RALB: variants seen among roughly 807,000 people sequenced by gnomAD.
RALB encodes the protein ras-related protein Ral-B.
Under a neutral mutation model 21.3 loss-of-function variants are expected in RALB, and 16 were observed. That is an observed-to-expected ratio of 0.75 (90% confidence interval 0.51 to 1.14). RALB has a LOEUF of 1.14. RALB is among the 50% of genes most tolerant of loss of function. The probability of loss-of-function intolerance (pLI) is 0.00; values close to 1 mark genes in which losing one functional copy is unlikely to be tolerated. For synonymous variants in RALB, 93 were observed against 96.1 expected, an observed-to-expected ratio of 0.97 and a Z score of 0.19; for missense variants, 161 against 256.2, an observed-to-expected ratio of 0.63 and a Z score of 2.54.
chr2:120,241,826 C>T (rs561298307), intron 1 of RALB, among the ~76,000 whole-genome samples: 7 of 152,266 alleles, frequency 4.6e-5, no homozygotes, highest in African/African-American at 1.7e-4. Context: ...GGTGGGAATG[C>T]GTAATGGTGC....
rs1024261626 is a variant in RALB, at chr2:120,294,469, G to C, written c.*1209G>C. Reference sequence around the variant, plus strand: ...GTATTCTAAATTGAGCAAACTGAAAGATTTTCATCAGGAAAGGAGCACTGT... The same window carrying C: ...GTATTCTAAATTGAGCAAACTGAAACATTTTCATCAGGAAAGGAGCACTGT... On this transcript the variant is annotated 3_prime_UTR_variant, in exon 5 of 5. Coordinates refer to ENST00000272519, the MANE Select transcript of RALB (RefSeq NM_002881.3). The C allele has an allele frequency of 1.0e-5, 4 of 389,908 alleles. No homozygotes were observed. Among genetic ancestry groups the C allele is most frequent in the African/African-American group, 2.1e-5 (1 of 48,450 alleles). The allele number at this position is 389,908 out of a possible 1,614,324, so 24.2% of individuals were successfully genotyped here.
At chr2:120,257,022 G>T (rs921908527) in intron 1 of RALB, among the ~76,000 whole-genome samples, 1 of 152,172 alleles carries the variant, frequency 6.6e-6, no homozygotes, top group Non-Finnish European at 1.5e-5. Context: ...CCGGTTCTTT[G>T]TTAGATGCTG....
chr2:120,286,348 A>C (rs1254262002), intron 3 of RALB, among the ~76,000 whole-genome samples: 1 of 152,194 alleles, frequency 6.6e-6, no homozygotes, highest in African/African-American at 2.4e-5. Context: ...AAAACAATGA[A>C]GCTATTCCAT....
upstream of RALB, among the ~76,000 whole-genome samples, chr2:120,251,898 A>C (rs1411626398): frequency 1.3e-5 from 2 of 152,226 alleles, no homozygotes; most frequent in African/African-American, 4.8e-5. Context: ...TGGTAGATAC[A>C]TAGCAATCTA....
upstream of RALB, among the ~76,000 whole-genome samples, chr2:120,251,398 T>C (rs1689053202): frequency 6.6e-6 from 1 of 152,202 alleles, no homozygotes; most frequent in African/African-American, 2.4e-5. Context: ...ACTCACCAAG[T>C]TCCTAGCACT....
chr2:120,278,806 T>C (rs768007617), intron 2 of RALB, 28 bp downstream of exon 2: 1 of 1,491,838 alleles, frequency 6.7e-7, no homozygotes, highest in Non-Finnish European at 9.0e-7. Flanking sequence ...CAGACCACCT[T>C]CCTTTGGCAT....
chr2:120,251,712 A>C (rs775210627), upstream of RALB, among the ~76,000 whole-genome samples: 3 of 152,248 alleles, frequency 2.0e-5, no homozygotes, highest in Admixed American at 1.3e-4. Flanking sequence ...AGTGTCTGTC[A>C]TACGATTAGC....
chr2:120,244,632 C>G (rs534036534), intron 1 of RALB, among the ~76,000 whole-genome samples: 1 of 152,298 alleles, frequency 6.6e-6, no homozygotes, highest in Non-Finnish European at 1.5e-5. Context: ...ATCCATCCAT[C>G]CATCCATCCA....
At chr2:120,288,744 A>G (rs2104662037) in intron 3 of RALB, among the ~76,000 whole-genome samples, 1 of 152,310 alleles carries the variant, frequency 6.6e-6, no homozygotes, top group South Asian at 2.1e-4. Context: ...TTTGTAGAAG[A>G]CACTTTTGAA....
chr2:120,242,453 G>T (rs1273796521), intron 1 of RALB, among the ~76,000 whole-genome samples: 1 of 152,234 alleles, frequency 6.6e-6, no homozygotes, highest in Non-Finnish European at 1.5e-5. Context: ...AGTGGCTCAC[G>T]CCTATAATCC....
chr2:120,268,764 CTT>C (rs754960219), intron 1 of RALB, among the ~76,000 whole-genome samples: 2 of 152,134 alleles, frequency 1.3e-5, no homozygotes, highest in Non-Finnish European at 2.9e-5. Flanking sequence ...GTTTAAAAAA[CTT>C]TTTTTAAAGC....
At chr2:120,278,490 C>G (rs780956043) in intron 1 of RALB, 128 bp from the exon 2 acceptor site, 25 of 922,138 alleles carry the variant, frequency 2.7e-5, no homozygotes, top group South Asian at 4.4e-5. Context: ...CTGCCCTGAG[C>G]CTGAAAGGAT....
intron 3 of RALB, among the ~76,000 whole-genome samples, chr2:120,286,639 C>T (rs1690165775): frequency 6.6e-6 from 1 of 152,150 alleles, no homozygotes; most frequent in Non-Finnish European, 1.5e-5. Context: ...GGCAAGTTTA[C>T]TTAGTGTCAG....
At chr2:120,285,383 T>C (rs1222871821) in intron 2 of RALB, among the ~76,000 whole-genome samples, 1 of 152,204 alleles carries the variant, frequency 6.6e-6, no homozygotes, top group Non-Finnish European at 1.5e-5. Flanking sequence ...CCAGACCATA[T>C]CATACATCTT....
At chr2:120,248,734 C>A (rs1447881012), upstream of RALB, among the ~76,000 whole-genome samples, 1 of 152,210 alleles carries the variant, frequency 6.6e-6, no homozygotes, top group Non-Finnish European at 1.5e-5. Context: ...CTCATTGCAA[C>A]CTCTGCCTCC....
chr2:120,242,410 T>C (rs911880341), intron 1 of RALB, among the ~76,000 whole-genome samples: 1 of 152,326 alleles, frequency 6.6e-6, no homozygotes, highest in Middle Eastern at 3.4e-3. Context: ...ATATATATTT[T>C]ACCACAATTA....
chr2:120,280,295 G>A (rs538167606), intron 2 of RALB, among the ~76,000 whole-genome samples: 1 of 152,240 alleles, frequency 6.6e-6, no homozygotes, highest in Admixed American at 6.5e-5. Flanking sequence ...CAAAGACATG[G>A]AACCAACCCA....
At chr2:120,277,350 CAT>C (rs1491581132) in intron 1 of RALB, among the ~76,000 whole-genome samples, 12 of 148,888 alleles carry the variant, frequency 8.1e-5, no homozygotes, top group Admixed American at 6.1e-4. Flanking sequence ...AGCATGTGAA[CAT>C]GTGTGTGAGA....
chr2:120,263,997 C>T (rs867635890), intron 1 of RALB, among the ~76,000 whole-genome samples: 9 of 150,500 alleles, frequency 6.0e-5, no homozygotes, highest in Admixed American at 1.3e-4. Flanking sequence ...TACAGATGCA[C>T]GCCACCACGC....
Sources: gnomAD v4.1 joint callset for allele counts (sites outside exome capture counted in the v4.1 genomes callset) on GRCh38, gnomAD v4.1.1 for gene constraint, MANE v1.5 for transcripts, NCBI Gene and HGNC (gene_info 2026-07-23, HGNC 2026-07-21) for gene names.